Variants in CDH18 observed in about 807,000 individuals in gnomAD.
CDH18 encodes cadherin-18.
In CDH18, 31 loss-of-function variants were observed where a neutral mutation model predicts 67.9. The observed-to-expected ratio is 0.46, with a 90% CI of 0.34 to 0.62. The LOEUF (loss-of-function observed/expected upper bound fraction) is 0.62. Ranked by LOEUF, CDH18 falls within the 20% of genes least tolerant of loss-of-function variation. The pLI is 0.01. For synonymous variants in CDH18, 362 were observed against 347.2 expected, an observed-to-expected ratio of 1.04 and a Z score of -0.48; for missense variants, 890 against 975.5, an observed-to-expected ratio of 0.91 and a Z score of 1.17.
chr5:19,950,300 T>C (rs1393536956), intron 2 of CDH18, among the ~76,000 whole-genome samples: 1 of 152,020 alleles, frequency 6.6e-6, no homozygotes, highest in Non-Finnish European at 1.5e-5. Flanking sequence ...ATGTTCGCAC[T>C]TATAAGTGGG....
In CDH18 at chr5:19,778,746, TA is replaced by T. The variant is rs531000661; in HGVS notation, c.229-31511del. ...TACAGTGGACACCACAAAACCATAA[TA>T]AAAAAAAATTTAAGGCTTTCCCTGT... On this transcript the variant is annotated intron_variant, in intron 3 of 12. Coordinates refer to ENST00000382275, the MANE Select transcript of CDH18 (RefSeq NM_004934.5). Among the ~76,000 whole-genome samples the T allele has an allele frequency of 1.4e-3, 214 of 151,748 alleles. 1 individual carries two copies. The highest frequency in any genetic ancestry group is 2.4e-3 in the Non-Finnish European group (163 of 67,846).
At chr5:20,562,689 C>T (rs1374102722) in intron 1 of CDH18, among the ~76,000 whole-genome samples, 1 of 151,524 alleles carries the variant, frequency 6.6e-6, no homozygotes, top group Non-Finnish European at 1.5e-5. Flanking sequence ...AAAACTGGAC[C>T]TTTATTCTTT....
intron 2 of CDH18, among the ~76,000 whole-genome samples, chr5:20,053,862 A>C (rs558879670): frequency 3.9e-5 from 6 of 152,116 alleles, no homozygotes; most frequent in Non-Finnish European, 8.8e-5. Flanking sequence ...TAGGGGGAGA[A>C]AATAAGAGCT....
chr5:20,302,919 G>A (rs1736075149), intron 1 of CDH18, among the ~76,000 whole-genome samples: 2 of 152,164 alleles, frequency 1.3e-5, no homozygotes, highest in Non-Finnish European at 2.9e-5. Flanking sequence ...TTACCTGACA[G>A]CTCTGGAGAA....
At chr5:20,444,211 GC>G (rs1749835127) in intron 1 of CDH18, among the ~76,000 whole-genome samples, 1 of 149,796 alleles carries the variant, frequency 6.7e-6, no homozygotes, top group African/African-American at 2.6e-5. Context: ...GAGTAATATG[GC>G]TGAGAATGTG....
intron 1 of CDH18, among the ~76,000 whole-genome samples, chr5:20,552,642 C>G (rs1311870846): frequency 6.6e-6 from 1 of 151,920 alleles, no homozygotes; most frequent in Middle Eastern, 3.2e-3. Context: ...TAAATAGATA[C>G]AGAATAAGAA....
At chr5:20,052,866 A>T (rs1482634851) in intron 2 of CDH18, among the ~76,000 whole-genome samples, 1 of 152,102 alleles carries the variant, frequency 6.6e-6, no homozygotes, top group Non-Finnish European at 1.5e-5. Flanking sequence ...TCTTGGGGGA[A>T]AATCATGTAT....
At chr5:19,922,176 A>C (rs1378426890) in intron 2 of CDH18, among the ~76,000 whole-genome samples, 1 of 152,188 alleles carries the variant, frequency 6.6e-6, no homozygotes, top group Admixed American at 6.5e-5. Flanking sequence ...TCATTTGAGC[A>C]ATTAATCCAA....
At chr5:19,810,896 G>A (rs1289358961) in intron 3 of CDH18, among the ~76,000 whole-genome samples, 6 of 151,764 alleles carry the variant, frequency 4.0e-5, no homozygotes, top group African/African-American at 1.5e-4. Flanking sequence ...GGTGGCACAT[G>A]CCTGTAATCC....
At chr5:19,707,399 C>T (rs1235990078) in intron 5 of CDH18, among the ~76,000 whole-genome samples, 1 of 152,178 alleles carries the variant, frequency 6.6e-6, no homozygotes, top group African/African-American at 2.4e-5. Context: ...AGGGCTGACA[C>T]AGAGAACAAT....
intron 2 of CDH18, among the ~76,000 whole-genome samples, chr5:19,875,427 GATA>G (rs1786849993): frequency 6.7e-6 from 1 of 149,532 alleles, no homozygotes; most frequent in Non-Finnish European, 1.5e-5. Context: ...TAGATAGATA[GATA>G]GATAGATAGA....
chr5:20,514,445 T>TA (rs1407861174), intron 1 of CDH18, among the ~76,000 whole-genome samples: 1 of 152,168 alleles, frequency 6.6e-6, no homozygotes, highest in Non-Finnish European at 1.5e-5. Flanking sequence ...TCATGCTTTT[T>TA]AAAAAGTCAC....
chr5:19,959,315 G>A (rs1345435713), intron 2 of CDH18, among the ~76,000 whole-genome samples: 2 of 151,876 alleles, frequency 1.3e-5, no homozygotes, highest in Non-Finnish European at 2.9e-5. Context: ...TATTATTTAA[G>A]ATGCCATTAA....
chr5:20,334,101 T>C (rs1348575480), intron 1 of CDH18, among the ~76,000 whole-genome samples: 4 of 151,502 alleles, frequency 2.6e-5, no homozygotes, highest in African/African-American at 7.3e-5. Flanking sequence ...GTCATTACTG[T>C]ATTTTAAATG....
intron 2 of CDH18, among the ~76,000 whole-genome samples, chr5:20,037,142 T>A (rs1266417006): frequency 6.6e-6 from 1 of 152,108 alleles, no homozygotes; most frequent in African/African-American, 2.4e-5. Context: ...TATGTGTGAA[T>A]TTGATCCTGT....
At chr5:19,476,814 G>C (rs1042024620) in intron 12 of CDH18, among the ~76,000 whole-genome samples, 1 of 151,990 alleles carries the variant, frequency 6.6e-6, no homozygotes, top group Admixed American at 6.6e-5. Flanking sequence ...TACTGCCATA[G>C]AGGTATGGAG....
rs984596294 is a variant in CDH18, at chr5:19,693,212, G to A, written c.643+28135C>T. 2.0e-5 allele frequency among the ~76,000 whole-genome samples: 3 copies of A among 152,060 alleles called. 1 individual carries two copies. Among genetic ancestry groups the A allele is most frequent in the Non-Finnish European group, 4.4e-5 (3 of 68,010 alleles). On this transcript the variant is annotated intron_variant, in intron 5 of 12. Coordinates refer to ENST00000382275, the MANE Select transcript of CDH18 (RefSeq NM_004934.5). ...AAAAAAAGCTGATCTTGTAATTGTA[G>A]AGAGTAGCATGATAGTTATCAGAGG...
intron 1 of CDH18, among the ~76,000 whole-genome samples, chr5:20,263,447 A>G (rs955916016): frequency 1.3e-5 from 2 of 152,178 alleles, no homozygotes; most frequent in African/African-American, 4.8e-5. Flanking sequence ...AATTTTGGAA[A>G]GCTTGCATTT....
rs376985228 is a variant in CDH18 at position 19,775,370 on chromosome 5, T to C, written c.229-28134A>G. ...GGAAAAGATATTTAATCGCTCCTGG[T>C]TCCACAGGCTGTACAGGAAGCATAG... On this transcript the variant is annotated intron_variant, in intron 3 of 12. Coordinates refer to ENST00000382275, the MANE Select transcript of CDH18 (RefSeq NM_004934.5). 6.6e-5 allele frequency among the ~76,000 whole-genome samples: 10 copies of C among 152,144 alleles called. No individual in the cohort carries two copies. The South Asian group carries it at 1.7e-3, about 25-fold the overall frequency.
Sources: gnomAD v4.1 joint callset for allele counts (sites outside exome capture counted in the v4.1 genomes callset) on GRCh38, gnomAD v4.1.1 for gene constraint, MANE v1.5 for transcripts, NCBI Gene and HGNC (gene_info 2026-07-23, HGNC 2026-07-21) for gene names.